Variants in SUGCT observed in about 807,000 individuals in gnomAD.
SUGCT encodes the protein succinyl-CoA:glutarate CoA-transferase.
In SUGCT, 41 loss-of-function variants were observed where a neutral mutation model predicts 55.0. The observed-to-expected ratio is 0.74, with a 90% CI of 0.58 to 0.97. SUGCT has a LOEUF of 0.97. Ranked by LOEUF, SUGCT falls within the 50% of genes least tolerant of loss-of-function variation. The probability of loss-of-function intolerance (pLI) is 0.00; values close to 1 mark genes in which losing one functional copy is unlikely to be tolerated. For synonymous variants in SUGCT, 187 were observed against 200.4 expected (o/e 0.93, Z 0.56); for missense variants, 568 against 547.8 (o/e 1.04, Z -0.37).
the SUGCT span, among the ~76,000 whole-genome samples, chr7:41,028,922 A>C: frequency 6.6e-6 from 1 of 152,182 alleles, no homozygotes; most frequent in Non-Finnish European, 1.5e-5. Flanking sequence ...TTAAGTGTTC[A>C]GCTCTCGGCA....
intron 12 of SUGCT, among the ~76,000 whole-genome samples, chr7:40,525,880 A>G (rs1053734147): frequency 6.6e-6 from 1 of 152,164 alleles, no homozygotes; most frequent in Non-Finnish European, 1.5e-5. Flanking sequence ...GGTGCAGAAG[A>G]CGGTGTTTGC....
chr7:40,897,227 AATG>A, the SUGCT span, among the ~76,000 whole-genome samples: 7 of 152,208 alleles, frequency 4.6e-5, no homozygotes, highest in Admixed American at 4.6e-4. Flanking sequence ...TAAAGATTTA[AATG>A]TAAGTGCTGG....
At chr7:40,623,432 G>A (rs1799369718) in intron 12 of SUGCT, among the ~76,000 whole-genome samples, 2 of 152,110 alleles carry the variant, frequency 1.3e-5, no homozygotes, top group South Asian at 4.1e-4. Flanking sequence ...CTGTAAATAG[G>A]AGAGCTGCAT....
the SUGCT span, among the ~76,000 whole-genome samples, chr7:40,911,767 A>T: frequency 4.6e-5 from 7 of 152,162 alleles, no homozygotes; most frequent in African/African-American, 1.7e-4. Flanking sequence ...AATCATGCTT[A>T]GTTAAGAACC....
chr7:40,779,142 C>T (rs1465143959), intron 13 of SUGCT, among the ~76,000 whole-genome samples: 1 of 152,158 alleles, frequency 6.6e-6, no homozygotes, highest in East Asian at 1.9e-4. Flanking sequence ...AACTTCTTTT[C>T]AGGTCTCAGT....
At chr7:40,676,891 T>G (rs1784011161) in intron 12 of SUGCT, among the ~76,000 whole-genome samples, 1 of 113,474 alleles carries the variant, frequency 8.8e-6, no homozygotes. Flanking sequence ...ACTTTCAGAA[T>G]GACGTGTGTG....
At chr7:40,848,581 T>C (rs1793698563) in intron 13 of SUGCT, among the ~76,000 whole-genome samples, 2 of 151,816 alleles carry the variant, frequency 1.3e-5, no homozygotes, top group Non-Finnish European at 2.9e-5. Context: ...ATAGACAACC[T>C]ATAGATACTG....
chr7:40,512,618 A>ATAG (rs1455722755), intron 12 of SUGCT, among the ~76,000 whole-genome samples: 1 of 152,184 alleles, frequency 6.6e-6, no homozygotes, highest in Admixed American at 6.5e-5. Flanking sequence ...TACGAGTGAG[A>ATAG]TAGTACATGC....
At chr7:40,302,284 C>T (rs1330333134) in intron 8 of SUGCT, among the ~76,000 whole-genome samples, 21 of 151,930 alleles carry the variant, frequency 1.4e-4, no homozygotes, top group African/African-American at 1.5e-4. Context: ...TTTTTTTTGT[C>T]CCCTCCTTGG....
the SUGCT span, among the ~76,000 whole-genome samples, chr7:40,962,513 G>A: frequency 6.6e-6 from 1 of 151,314 alleles, no homozygotes; most frequent in Non-Finnish European, 1.5e-5. Context: ...TCAATAGACT[G>A]TGCTCACCAA....
At chr7:40,823,424 A>T (rs1225439508) in intron 13 of SUGCT, among the ~76,000 whole-genome samples, 1 of 152,110 alleles carries the variant, frequency 6.6e-6, no homozygotes, top group Non-Finnish European at 1.5e-5. Flanking sequence ...AAAGGCAAAC[A>T]TATTTAAAGT....
At chr7:40,794,560 T>G (rs1563008768) in intron 13 of SUGCT, among the ~76,000 whole-genome samples, 1 of 152,128 alleles carries the variant, frequency 6.6e-6, no homozygotes. Context: ...AGGTTTTCTG[T>G]TCTTCCTGTG....
At chr7:41,037,436 A>C in the SUGCT span, among the ~76,000 whole-genome samples, 1 of 152,140 alleles carries the variant, frequency 6.6e-6, no homozygotes, top group African/African-American at 2.4e-5. Context: ...TTTAAAAAAA[A>C]AAAAGATATA....
Position 40,242,994 on chromosome 7 carries a change from G to A in SUGCT, c.576+5268G>A, listed in dbSNP as rs115570585. The stretch of plus-strand genomic sequence containing the variant: ...AGGTCTCACTCTGTTGCCCAGGCTG[G>A]TGTAATCATGGCTCACAGCAGCCTC... On this transcript the variant is annotated intron_variant, in intron 7 of 13. Coordinates refer to ENST00000335693, the MANE Select transcript of SUGCT (RefSeq NM_001193313.2). 3.9e-3 allele frequency among the ~76,000 whole-genome samples: 463 copies of A among 117,976 alleles called. 5 individuals carry two copies. The highest frequency in any genetic ancestry group is 0.015 in the African/African-American group (444 of 30,238). 77.4% of individuals were successfully genotyped at this position (117,976 alleles called of 152,430 possible).
chr7:40,957,294 G>C, the SUGCT span, among the ~76,000 whole-genome samples: 1 of 152,022 alleles, frequency 6.6e-6, no homozygotes, highest in Admixed American at 6.5e-5. Context: ...TATGAATCTG[G>C]GTGCTCCTGT....
chr7:40,825,256 GT>G (rs921648012), intron 13 of SUGCT, among the ~76,000 whole-genome samples: 17 of 152,110 alleles, frequency 1.1e-4, no homozygotes, highest in African/African-American at 3.9e-4. Flanking sequence ...AAAATAAATT[GT>G]TTTTTTGATG....
intron 8 of SUGCT, among the ~76,000 whole-genome samples, chr7:40,310,665 A>G (rs1410142829): frequency 6.6e-6 from 1 of 152,246 alleles, no homozygotes; most frequent in Admixed American, 6.5e-5. Flanking sequence ...TATTTCAGAT[A>G]AAATTCAAAT....
chr7:40,974,700 T>A, the SUGCT span, among the ~76,000 whole-genome samples: 7 of 152,182 alleles, frequency 4.6e-5, no homozygotes, highest in African/African-American at 1.7e-4. Flanking sequence ...TGAGATGACA[T>A]GTTACATGTG....
At chr7:40,189,289 CCAAGATTGCACCACTG>C (rs1195147588) in intron 4 of SUGCT, among the ~76,000 whole-genome samples, 1 of 151,786 alleles carries the variant, frequency 6.6e-6, no homozygotes, top group African/African-American at 2.4e-5. Flanking sequence ...TTGCAGTGAG[CCAAGATTGCACCACTG>C]CACTCCAGCC....
Sources: gnomAD v4.1 joint callset for allele counts (sites outside exome capture counted in the v4.1 genomes callset) on GRCh38, gnomAD v4.1.1 for gene constraint, MANE v1.5 for transcripts, NCBI Gene and HGNC (gene_info 2026-07-23, HGNC 2026-07-21) for gene names.